The following PHACTR3 variants were observed in gnomAD, a reference collection of about 807,000 sequenced individuals.
PHACTR3 encodes phosphatase and actin regulator 3, also known as protein phosphatase 1, regulatory subunit 123.
A neutral mutation model predicts 66.8 loss-of-function variants in PHACTR3; 16 were observed. The ratio of observed to expected loss-of-function variants is 0.24; its 90% CI spans 0.16 to 0.36. PHACTR3 has a LOEUF of 0.36. PHACTR3 is among the 10% of genes least tolerant of loss of function. The pLI is 1.00. For missense variants in PHACTR3, 647 were observed against 719.9 expected (o/e 0.90, Z 1.16); for synonymous variants, 323 against 292.1 (o/e 1.11, Z -1.08).
chr20:59,747,026 C>T (rs752096053), intron 2 of PHACTR3, among the ~76,000 whole-genome samples: 19 of 152,084 alleles, frequency 1.2e-4, no homozygotes, highest in South Asian at 6.2e-4. Context: ...GTTTTCCTGA[C>T]GGAAGGAAGA....
chr20:59,686,921 TTG>T (rs2036911742), intron 1 of PHACTR3, among the ~76,000 whole-genome samples: 1 of 148,608 alleles, frequency 6.7e-6, no homozygotes, highest in South Asian at 2.1e-4. Context: ...ATGGTGATGA[TTG>T]TGATGATGGT....
chr20:59,812,537 A>G (rs1268373858), intron 8 of PHACTR3, among the ~76,000 whole-genome samples: 1 of 152,202 alleles, frequency 6.6e-6, no homozygotes, highest in East Asian at 1.9e-4. Flanking sequence ...TGGAGACAGA[A>G]CGCACAGAAA....
At chr20:59,778,284 C>T (rs1048749214) in intron 7 of PHACTR3, among the ~76,000 whole-genome samples, 3 of 152,192 alleles carry the variant, frequency 2.0e-5, no homozygotes, top group African/African-American at 7.2e-5. Context: ...CAGTGGCTCC[C>T]TGAGGCACTG....
At chr20:59,766,785 A>G (rs975714005) in intron 4 of PHACTR3, among the ~76,000 whole-genome samples, 1 of 152,218 alleles carries the variant, frequency 6.6e-6, no homozygotes, top group Non-Finnish European at 1.5e-5. Flanking sequence ...TTGTTAACAC[A>G]ATGCCATGCA....
intron 3 of PHACTR3, among the ~76,000 whole-genome samples, chr20:59,754,162 C>T (rs963904769): frequency 6.6e-6 from 1 of 152,224 alleles, no homozygotes; most frequent in Admixed American, 6.5e-5. Context: ...GCCCTGCCAT[C>T]CTGCAGTTGG....
In PHACTR3 at chr20:59,604,877, C is replaced by CTTTTTTTTTTTT. The variant is rs11477768; in HGVS notation, c.-127_-116dup. 18 of 978,752 alleles carry CTTTTTTTTTTTT rather than the reference C, an allele frequency of 1.8e-5. No homozygotes were observed. The highest frequency in any genetic ancestry group is 8.2e-5 in the East Asian group (1 of 12,230). 60.6% of individuals were successfully genotyped at this position (978,752 alleles called of 1,614,324 possible). A position where few individuals can be genotyped will look rare whatever the true frequency, so the allele number is the denominator to read the frequency against. On this transcript the variant is annotated 5_prime_UTR_variant, in exon 1 of 13. Transcript: ENST00000371015. ...TCTCCAGCTCGTTTCCTTTCCCGGC[C>CTTTTTTTTTTTT]TTTTTTTTTTTTTTTTTTTTTTAAT... is the stretch of plus-strand genomic sequence containing the variant.
At chr20:59,692,953 T>C (rs1267722241) in intron 1 of PHACTR3, among the ~76,000 whole-genome samples, 1 of 152,264 alleles carries the variant, frequency 6.6e-6, no homozygotes, top group South Asian at 2.1e-4. Flanking sequence ...TTAATGTTTC[T>C]AAGCCTTAGG....
intron 1 of PHACTR3, among the ~76,000 whole-genome samples, chr20:59,642,858 T>C (rs575363894): frequency 6.6e-6 from 1 of 152,304 alleles, no homozygotes; most frequent in Admixed American, 6.5e-5. Context: ...GAAAGAGCTC[T>C]CTGGTTGAAT....
rs531141352 is a variant in PHACTR3 at position 59,689,148 on chromosome 20, T to C, written c.119-53959T>C. 4.8e-4 allele frequency among the ~76,000 whole-genome samples: 73 copies of C among 151,998 alleles called. 1 individual carries two copies. The highest frequency in any genetic ancestry group is 1.7e-3 in the African/African-American group (69 of 41,424). ...CAGGCTTTTCATGATGCCGGGAGAGTTGCCACGTGGATTTGCAGGCGCTGA... is the reference window on the plus strand; with the variant it reads ...CAGGCTTTTCATGATGCCGGGAGAGCTGCCACGTGGATTTGCAGGCGCTGA... On this transcript the variant is annotated intron_variant, in intron 1 of 12. Transcript: ENST00000371015.
At chr20:59,677,990 G>A (rs571496203) in intron 1 of PHACTR3, among the ~76,000 whole-genome samples, 7 of 152,110 alleles carry the variant, frequency 4.6e-5, no homozygotes, top group Non-Finnish European at 8.8e-5. Flanking sequence ...TTCTGAAAAC[G>A]TACTGCCGTT....
intron 1 of PHACTR3, among the ~76,000 whole-genome samples, chr20:59,635,424 G>GTGTTGT (rs2034864248): frequency 6.6e-6 from 1 of 151,150 alleles, no homozygotes; most frequent in Non-Finnish European, 1.5e-5. Context: ...ATTAGAGACG[G>GTGTTGT]GGTTTCACCA....
chr20:59,824,936 C>T (rs540408384), intron 8 of PHACTR3, among the ~76,000 whole-genome samples: 8 of 152,286 alleles, frequency 5.3e-5, no homozygotes, highest in South Asian at 2.1e-4. Flanking sequence ...CTGTGAATGA[C>T]GATGAACTTT....
intron 8 of PHACTR3, among the ~76,000 whole-genome samples, chr20:59,833,854 G>T (rs1382941286): frequency 6.6e-6 from 1 of 152,226 alleles, no homozygotes; most frequent in East Asian, 1.9e-4. Context: ...TAGAGAAGGG[G>T]CTGCTGGAAA....
intron 1 of PHACTR3, among the ~76,000 whole-genome samples, chr20:59,658,149 TTAGATTA>T (rs1324880632): frequency 6.6e-6 from 1 of 152,152 alleles, no homozygotes; most frequent in Non-Finnish European, 1.5e-5. Flanking sequence ...ATAATTTACA[TTAGATTA>T]TTTTAAATAA....
chr20:59,668,382 G>T (rs1437216796), intron 1 of PHACTR3, among the ~76,000 whole-genome samples: 1 of 152,128 alleles, frequency 6.6e-6, no homozygotes, highest in Non-Finnish European at 1.5e-5. Flanking sequence ...ACCCGTACGG[G>T]GTTAGAGGTG....
rs781320395 is a variant in PHACTR3 at position 59,605,048 on chromosome 20, G to T, written c.34G>T (p.Val12Leu). The T allele has an allele frequency of 4.3e-6, 6 of 1,380,374 alleles. No homozygotes were observed. The highest frequency in any genetic ancestry group is 4.7e-6 in the Non-Finnish European group (5 of 1,058,832). The allele number at this position is 1,380,374 out of a possible 1,614,324, so 85.5% of individuals were successfully genotyped here. ...GTCGGAGGACGGGAGCGGCTGCCTCGTGTCGCGGGGCCGCTCGCAGAGTGA... is the reference window on the plus strand; with the variant it reads ...GTCGGAGGACGGGAGCGGCTGCCTCTTGTCGCGGGGCCGCTCGCAGAGTGA... ...AASEDGSGCLVSRGRSQSDPS... is the reference protein window; with the variant it reads ...AASEDGSGCLLSRGRSQSDPS... Residue 12 changes from valine to leucine, a missense_variant, in exon 1 of 13, where the codon GTG becomes TTG. Val to Leu is a conservative substitution (Grantham distance 32, BLOSUM62 1). Around this residue, in one of 2 missense-constraint regions of PHACTR3, gnomAD observed 577 missense variants for 571.1 expected, o/e 1.01. Coordinates refer to ENST00000371015, the MANE Select transcript of PHACTR3 (RefSeq NM_080672.5).
chr20:59,656,336 A>G (rs1004112839), intron 1 of PHACTR3, among the ~76,000 whole-genome samples: 1 of 151,798 alleles, frequency 6.6e-6, no homozygotes, highest in African/African-American at 2.4e-5. Context: ...TATTAGGTAC[A>G]TATATATTTA....
chr20:59,828,683 G>A (rs1020163140), intron 8 of PHACTR3, among the ~76,000 whole-genome samples: 3 of 152,030 alleles, frequency 2.0e-5, no homozygotes, highest in African/African-American at 7.3e-5. Context: ...CTCGACGTGG[G>A]GCCATCACCC....
chr20:59,803,609 T>C (rs1332460585), intron 7 of PHACTR3, among the ~76,000 whole-genome samples: 1 of 152,232 alleles, frequency 6.6e-6, no homozygotes, highest in African/African-American at 2.4e-5. Context: ...TCCTTAGCAA[T>C]ATATAGTGAC....
Sources: gnomAD v4.1 joint callset for allele counts (sites outside exome capture counted in the v4.1 genomes callset) on GRCh38, gnomAD v4.1.1 for gene constraint, gnomAD v4.1.1 regional missense constraint, MANE v1.5 for transcripts, NCBI Gene and HGNC (gene_info 2026-07-23, HGNC 2026-07-21) for gene names.